RCOR2: variants seen among roughly 807,000 people sequenced by gnomAD.
RCOR2 encodes the protein REST corepressor 2.
Under a neutral mutation model 58.9 loss-of-function variants are expected in RCOR2, and 19 were observed. The ratio of observed to expected loss-of-function variants is 0.32; its 90% CI spans 0.23 to 0.47. The LOEUF (loss-of-function observed/expected upper bound fraction) is 0.47, where lower values mean the gene tolerates loss of function less well. Among genes scored for constraint, RCOR2 ranks in the 20% least tolerant of loss-of-function variants. The probability of loss-of-function intolerance (pLI) is 1.00; values close to 1 mark genes in which losing one functional copy is unlikely to be tolerated. For synonymous variants in RCOR2, 286 were observed against 278.7 expected (o/e 1.03, Z -0.26); for missense variants, 590 against 707.9 (o/e 0.83, Z 1.89).
the RCOR2 span, among the ~76,000 whole-genome samples, chr11:63,924,459 T>C: frequency 7.9e-5 from 12 of 152,194 alleles, no homozygotes; most frequent in Non-Finnish European, 1.6e-4. Flanking sequence ...TCTGCCTACC[T>C]AGGCTTCCCA....
intron 8 of RCOR2, 26 bp downstream of exon 8, chr11:63,913,928 A>C: frequency 6.8e-6 from 11 of 1,607,268 alleles, no homozygotes; most frequent in Non-Finnish European, 8.5e-6. Context: ...ACCTTTGCAT[A>C]GCCCGTTCAT....
At chr11:63,918,054 C>A (rs571859601), upstream of RCOR2, among the ~76,000 whole-genome samples, 76 of 152,210 alleles carry the variant, frequency 5.0e-4, no homozygotes, top group Middle Eastern at 3.4e-3. Context: ...CTGCGAGCTG[C>A]GCCCGTGCCC....
At position 63,914,234 on chromosome 11, in the gene RCOR2, C is replaced by T. The variant is rs1349137606; in HGVS notation, c.675+27G>A. 1.9e-6 allele frequency: 3 copies of T among 1,613,432 alleles called. No individual in the cohort carries two copies. The South Asian group carries it at 3.3e-5, about 18-fold the overall frequency. The stretch of plus-strand genomic sequence containing the variant: ...AGAGAGAGGCAAGAGGACAGGCAGG[C>T]AGGGCCCAGAGGCTCTGGGAGCTCA... On this transcript the variant is annotated intron_variant, in intron 7 of 11. Transcript: ENST00000301459.
chr11:63,926,397 C>T, the RCOR2 span, among the ~76,000 whole-genome samples: 18 of 152,242 alleles, frequency 1.2e-4, no homozygotes, highest in Non-Finnish European at 1.5e-5. Flanking sequence ...CCCAGGATGC[C>T]CTGAGTCCCC....
chr11:63,925,159 G>T, the RCOR2 span, among the ~76,000 whole-genome samples: 4 of 152,052 alleles, frequency 2.6e-5, no homozygotes, highest in Non-Finnish European at 4.4e-5. Context: ...AGCCTCCAGG[G>T]TGATCTTTCT....
chr11:63,925,744 G>A, the RCOR2 span, among the ~76,000 whole-genome samples: 2 of 150,292 alleles, frequency 1.3e-5, no homozygotes, highest in South Asian at 2.1e-4. Flanking sequence ...CTTGAACCCA[G>A]AAGCCATGAG....
At position 63,915,580 on chromosome 11, in the gene RCOR2, C is replaced by G; in HGVS notation, c.159G>C (p.Gln53His). ...DSMIRVGTNY[Q>H]AVIPECKPES... ...CAGGCTTGCACTCCGGAATTACGGC[C>G]TGGTAATTGGTTCCAACGCGGATCA... The change falls in exon 2 of 12, where the codon CAG becomes CAC. Residue 53 changes from glutamine to histidine, a missense_variant. Gln to His is a conservative substitution (Grantham distance 24, BLOSUM62 0). Coordinates refer to ENST00000301459, the MANE Select transcript of RCOR2 (RefSeq NM_173587.4). The G allele has an allele frequency of 7.4e-7, 1 of 1,359,772 alleles. No homozygotes were observed. The highest frequency in any genetic ancestry group is 9.7e-7 in the Non-Finnish European group (1 of 1,028,648). 84.2% of individuals were successfully genotyped at this position (1,359,772 alleles called of 1,614,324 possible). A position where few individuals can be genotyped will look rare whatever the true frequency, so the allele number is the denominator to read the frequency against.
At chr11:63,918,354 G>T (rs558274872), upstream of RCOR2, among the ~76,000 whole-genome samples, 185 of 152,298 alleles carry the variant, frequency 1.2e-3, 1 homozygote, top group South Asian at 0.021. Flanking sequence ...CCACGACCCG[G>T]CTGGGGCCGC....
At position 63,911,964 on chromosome 11, in the gene RCOR2, G is replaced by GA; in HGVS notation, c.1472_1473insT (p.Ala493ArgfsTer63). The GA allele has an allele frequency of 1.5e-6, 2 of 1,332,278 alleles. No homozygotes were observed. The highest frequency in any genetic ancestry group is 2.0e-6 in the Non-Finnish European group (2 of 1,003,712). 82.5% of individuals were successfully genotyped at this position (1,332,278 alleles called of 1,614,324 possible). A position where few individuals can be genotyped will look rare whatever the true frequency, so the allele number is the denominator to read the frequency against. The stretch of plus-strand genomic sequence containing the variant: ...TGTGGCGGGGGGCAGCCAGAGCGGG[G>GA]CGGATGAGAGGCGGTGGGGGCTGGT... On this transcript the variant is annotated frameshift_variant, in exon 12 of 12. Coordinates refer to ENST00000301459, the MANE Select transcript of RCOR2 (RefSeq NM_173587.4). LOFTEE classifies it high-confidence loss of function.
At chr11:63,921,118 C>T (rs141415679), upstream of RCOR2, among the ~76,000 whole-genome samples, 45 of 152,320 alleles carry the variant, frequency 3.0e-4, no homozygotes, top group African/African-American at 1.0e-3. Context: ...ATCTGATTCC[C>T]TGAGCAAATC....
At position 63,914,561 on chromosome 11, in the gene RCOR2, A is replaced by G; in HGVS notation, c.481-20T>C. 6.2e-7 allele frequency: 1 copy of G among 1,613,392 alleles called. No homozygotes were observed. Among genetic ancestry groups the G allele is most frequent in the Non-Finnish European group, 8.5e-7 (1 of 1,179,948 alleles). On this transcript the variant is annotated intron_variant, in intron 5 of 11. Transcript: ENST00000301459. The stretch of plus-strand genomic sequence containing the variant: ...AGGCAGCTGGAGGAGGCAACGCCAG[A>G]AGCTGGGGACCACTCAAGACTCTGG...
chr11:63,912,204 A>T, intron 11 of RCOR2, 25 bp from the exon 12 acceptor site: 1 of 1,587,290 alleles, frequency 6.3e-7, no homozygotes, highest in Non-Finnish European at 8.6e-7. Context: ...AAGAGTGAGA[A>T]GCCAGGCTCT....
the RCOR2 span, among the ~76,000 whole-genome samples, chr11:63,925,686 C>T: frequency 1.5e-4 from 23 of 151,430 alleles, no homozygotes; most frequent in East Asian, 4.1e-3. Context: ...GGTGTGGTGG[C>T]ACGTGCCTGT....
At chr11:63,915,046 G>T (rs1941836768) in intron 3 of RCOR2, 92 bp from the exon 4 acceptor site, 3 of 1,565,174 alleles carry the variant, frequency 1.9e-6, no homozygotes, top group Non-Finnish European at 2.6e-6. Flanking sequence ...CAACGGCCAG[G>T]TCCCTGAACA....
chr11:63,912,940 C>G lies in RCOR2; in HGVS notation c.899G>C (p.Ser300Thr), dbSNP rs1476311673. 3 of 1,612,914 alleles carry G rather than the reference C, an allele frequency of 1.9e-6. No individual in the cohort carries two copies. ...CAGGCTGCTGTTCGTCTGCTTCATG[C>G]TCTGTACCTGGGAAGGCCAGGAAGT... ...QLISLKRQVQ[S>T]MKQTNSSLRQ... The change falls in exon 9 of 12, where the codon AGC (serine) becomes ACC (threonine). Residue 300 changes from serine to threonine, a missense_variant. Ser to Thr is a moderately conservative substitution (Grantham distance 58). Transcript: ENST00000301459.
chr11:63,918,176 C>A (rs567918442), upstream of RCOR2, among the ~76,000 whole-genome samples: 1 of 151,884 alleles, frequency 6.6e-6, no homozygotes, highest in Non-Finnish European at 1.5e-5. Flanking sequence ...CAGGCACACC[C>A]CGCTGTGCCC....
upstream of RCOR2, among the ~76,000 whole-genome samples, chr11:63,918,911 C>T (rs1941897191): frequency 6.6e-6 from 1 of 152,108 alleles, no homozygotes; most frequent in African/African-American, 2.4e-5. Flanking sequence ...CCCAGGTACC[C>T]CCAGTCTCTC....
rs988587130 is a variant in RCOR2 at position 63,915,197 on chromosome 11, G to C, written c.246C>G (p.His82Gln). The C allele has an allele frequency of 6.4e-7, 1 of 1,551,516 alleles. No homozygotes were observed. Among genetic ancestry groups the C allele is most frequent in the East Asian group, 2.4e-5 (1 of 40,918 alleles). ...ACTCACGCTTGGCATCTGACACACAGTGGTTGGGTGACCACACCAGCATCC... is the reference window on the plus strand; with the variant it reads ...ACTCACGCTTGGCATCTGACACACACTGGTTGGGTGACCACACCAGCATCC... ...LKGMLVWSPN[H>Q]CVSDAKLDKY... is the part of the protein sequence containing the mutation. The change falls in exon 3 of 12, where the codon CAC (histidine) becomes CAG (glutamine). Residue 82 changes from histidine to glutamine, a missense_variant. Physicochemically the swap from His to Gln is conservative, Grantham distance 24. Around this residue, in one of 3 missense-constraint regions of RCOR2, gnomAD observed 390 missense variants for 478.7 expected, o/e 0.81. Coordinates refer to ENST00000301459, the MANE Select transcript of RCOR2 (RefSeq NM_173587.4).
rs370978880 is a variant in RCOR2 at position 63,912,551 on chromosome 11, G to A, written c.1028-17C>T. 6.2e-7 allele frequency: 1 copy of A among 1,604,602 alleles called. No individual in the cohort carries two copies. Among genetic ancestry groups the A allele is most frequent in the South Asian group, 1.1e-5 (1 of 90,880 alleles). ...TACGGATGGCTGCAAGGGTCAAAAGGGCAGCAGCGTCAATACCCCTTCGAA... is the reference window on the plus strand; with the variant it reads ...TACGGATGGCTGCAAGGGTCAAAAGAGCAGCAGCGTCAATACCCCTTCGAA... On this transcript the variant is annotated splice_polypyrimidine_tract_variant and intron_variant, in intron 10 of 11. Transcript: ENST00000301459.
Sources: allele counts gnomAD v4.1 joint callset (sites outside exome capture counted in the v4.1 genomes callset), GRCh38; gene constraint gnomAD v4.1.1; regional missense constraint gnomAD v4.1.1; transcripts MANE v1.5; gene names NCBI Gene and HGNC (gene_info 2026-07-23, HGNC 2026-07-21).